The following CPPED1 variants were observed in gnomAD, a reference collection of about 807,000 sequenced individuals.
The protein encoded by CPPED1 is serine/threonine-protein phosphatase CPPED1.
In CPPED1, 28 loss-of-function variants were observed where a neutral mutation model predicts 28.0. The observed-to-expected ratio is 1.00, with a 90% CI of 0.74 to 1.37. The LOEUF is 1.37. CPPED1 is among the 40% of genes most tolerant of loss of function. The probability of loss-of-function intolerance (pLI) is 0.00; values close to 1 mark genes in which losing one functional copy is unlikely to be tolerated. For synonymous variants in CPPED1, 198 were observed against 180.2 expected (o/e 1.10, Z -0.79); for missense variants, 504 against 416.5 (o/e 1.21, Z -1.83).
chr16:12,741,953 T>C (rs2080258121), intron 2 of CPPED1, among the ~76,000 whole-genome samples: 1 of 151,786 alleles, frequency 6.6e-6, no homozygotes. Flanking sequence ...GTAATCCCAA[T>C]GACTTGGGAG....
At chr16:12,742,177 G>T (rs139540656) in intron 2 of CPPED1, among the ~76,000 whole-genome samples, 1 of 152,226 alleles carries the variant, frequency 6.6e-6, no homozygotes, top group Non-Finnish European at 1.5e-5. Context: ...CAGAGAAACG[G>T]CATTTTACAT....
intron 3 of CPPED1, among the ~76,000 whole-genome samples, chr16:12,696,179 T>C (rs1233352587): frequency 6.6e-6 from 1 of 151,794 alleles, no homozygotes; most frequent in Non-Finnish European, 1.5e-5. Flanking sequence ...TTGATCATTA[T>C]TTTCCCTTTC....
chr16:12,710,155 G>C (rs946596136), intron 2 of CPPED1, among the ~76,000 whole-genome samples: 1 of 152,142 alleles, frequency 6.6e-6, no homozygotes, highest in Admixed American at 6.5e-5. Context: ...GCACTAATAA[G>C]AGAAATTAGC....
chr16:12,694,239 T>C (rs1044371838), intron 3 of CPPED1, among the ~76,000 whole-genome samples: 4 of 152,118 alleles, frequency 2.6e-5, no homozygotes, highest in African/African-American at 7.2e-5. Flanking sequence ...CCAGACATTT[T>C]TAGTTGAAGA....
chr16:12,759,925 C>T (rs1332467040), intron 2 of CPPED1, among the ~76,000 whole-genome samples: 1 of 152,162 alleles, frequency 6.6e-6, no homozygotes, highest in Admixed American at 6.5e-5. Flanking sequence ...CTCCAAAAGT[C>T]AGAAGGGAAT....
rs569239501 is a variant in CPPED1, at chr16:12,697,428, G to A, written c.715+7196C>T. ...GGGAACATGTGCCTCACCCAGGCACGCCCTCCACTGAAGACCTTCAGGAGG... is the reference window on the plus strand; with the variant it reads ...GGGAACATGTGCCTCACCCAGGCACACCCTCCACTGAAGACCTTCAGGAGG... On this transcript the variant is annotated intron_variant, in intron 3 of 3. Coordinates refer to ENST00000381774, the MANE Select transcript of CPPED1 (RefSeq NM_018340.3). 1.7e-4 allele frequency among the ~76,000 whole-genome samples: 26 copies of A among 152,066 alleles called. No homozygotes were observed. In the East Asian group the frequency reaches 3.1e-3, roughly 18 times the overall value.
chr16:12,670,031 A>T lies in CPPED1; in HGVS notation c.716-4916T>A, dbSNP rs2079845883. Among the ~76,000 whole-genome samples, 1 of 152,100 alleles carries T rather than the reference A, an allele frequency of 6.6e-6. No homozygotes were observed. The highest frequency in any genetic ancestry group is 1.5e-5 in the Non-Finnish European group (1 of 68,018). On this transcript the variant is annotated intron_variant, in intron 3 of 3. Coordinates refer to ENST00000381774, the MANE Select transcript of CPPED1 (RefSeq NM_018340.3). The surrounding 1 kb of genome is among the most constrained non-coding windows in gnomAD (Gnocchi z 4.2). ...ATCCACGAGGCGGCCAGGCACATTG[A>T]CTCATGCCTGCAATCCCAGCACTTT... is the stretch of plus-strand genomic sequence containing the variant.
intron 2 of CPPED1, among the ~76,000 whole-genome samples, chr16:12,735,772 G>T (rs1247046631): frequency 6.6e-6 from 1 of 152,200 alleles, no homozygotes; most frequent in African/African-American, 2.4e-5. Context: ...AATAAATCAG[G>T]GGAAGAGAAC....
intron 3 of CPPED1, among the ~76,000 whole-genome samples, chr16:12,691,846 G>T (rs2079965012): frequency 6.9e-6 from 1 of 145,876 alleles, no homozygotes. Flanking sequence ...ATAGCATTAG[G>T]AGACATGCCT....
At chr16:12,725,639 AACTGATTTGT>A (rs2080165943) in intron 2 of CPPED1, among the ~76,000 whole-genome samples, 2 of 152,112 alleles carry the variant, frequency 1.3e-5, no homozygotes, top group African/African-American at 4.8e-5. Context: ...TCAGCCTGGG[AACTGATTTGT>A]CAAAAGGACC....
intron 3 of CPPED1, among the ~76,000 whole-genome samples, chr16:12,693,348 A>G (rs2141179859): frequency 6.6e-6 from 1 of 152,154 alleles, no homozygotes; most frequent in Middle Eastern, 3.4e-3. Context: ...CGTGCACCAC[A>G]ATGCCTGGAC....
chr16:12,700,484 A>G (rs2080014644), intron 3 of CPPED1, among the ~76,000 whole-genome samples: 1 of 152,202 alleles, frequency 6.6e-6, no homozygotes, highest in Non-Finnish European at 1.5e-5. Flanking sequence ...TCCACCTCCC[A>G]GGTACAAGCA....
chr16:12,800,034 C>T (rs1198675553), intron 1 of CPPED1, among the ~76,000 whole-genome samples: 1 of 152,180 alleles, frequency 6.6e-6, no homozygotes, highest in African/African-American at 2.4e-5. Flanking sequence ...CCAGTGGTGG[C>T]CCCCTGGCAG....
chr16:12,730,266 T>C (rs2080190593), intron 2 of CPPED1, among the ~76,000 whole-genome samples: 1 of 152,174 alleles, frequency 6.6e-6, no homozygotes, highest in South Asian at 2.1e-4. Flanking sequence ...CCTCCCAAAG[T>C]GTTCGGATTA....
At chr16:12,764,706 G>C (rs1220600519) in intron 2 of CPPED1, among the ~76,000 whole-genome samples, 1 of 152,190 alleles carries the variant, frequency 6.6e-6, no homozygotes, top group Non-Finnish European at 1.5e-5. Context: ...TTTCAACGGA[G>C]CCTTCTCTAA....
chr16:12,705,405 C>T (rs1398803058), intron 2 of CPPED1, among the ~76,000 whole-genome samples: 1 of 152,168 alleles, frequency 6.6e-6, no homozygotes, highest in Admixed American at 6.5e-5. Context: ...GGAGGGATCA[C>T]TTGAGCCCAG....
rs35135598 is a variant in CPPED1 at position 12,755,281 on chromosome 16, C to CTTTTTT, written c.289+25898_289+25903dup. 4.6e-3 allele frequency among the ~76,000 whole-genome samples: 594 copies of CTTTTTT among 128,774 alleles called. 9 individuals are homozygous for CTTTTTT. Among genetic ancestry groups the CTTTTTT allele is most frequent in the African/African-American group, 0.017 (575 of 33,886 alleles). 84.5% of individuals were successfully genotyped at this position (128,774 alleles called of 152,430 possible). ...TTCTCACAAGCATACAGTATGCATT[C>CTTTTTT]TTTTTTTTTTTTTTTTTTGAGACAA... On this transcript the variant is annotated intron_variant, in intron 2 of 3. Coordinates refer to ENST00000381774, the MANE Select transcript of CPPED1 (RefSeq NM_018340.3).
chr16:12,796,086 A>G (rs1327791520), intron 1 of CPPED1, among the ~76,000 whole-genome samples: 1 of 151,662 alleles, frequency 6.6e-6, no homozygotes, highest in Non-Finnish European at 1.5e-5. Flanking sequence ...TTGTCTTAAA[A>G]AAAAAAAAGC....
chr16:12,761,293 A>T (rs1567299727), intron 2 of CPPED1: 1 of 149,926 alleles, frequency 6.7e-6, no homozygotes, highest in East Asian at 1.9e-4. Flanking sequence ...AAAAAAAAAA[A>T]GAAAAAGAAA....
Sources: gnomAD v4.1 joint callset for allele counts (sites outside exome capture counted in the v4.1 genomes callset) on GRCh38, gnomAD v4.1.1 for gene constraint, Gnocchi (gnomAD v3.1) non-coding constraint, MANE v1.5 for transcripts, NCBI Gene and HGNC (gene_info 2026-07-23, HGNC 2026-07-21) for gene names.